The following MMP16 variants were observed in gnomAD, a reference collection of about 807,000 sequenced individuals.
The protein encoded by MMP16 is matrix metalloproteinase-16.
MMP16 carries 12 observed loss-of-function variants against 67.8 expected under a neutral mutation model. The ratio of observed to expected loss-of-function variants is 0.18; its 90% CI spans 0.11 to 0.29. The LOEUF (loss-of-function observed/expected upper bound fraction) is 0.29, where lower values mean the gene tolerates loss of function less well. Among genes scored for constraint, MMP16 ranks in the 10% least tolerant of loss-of-function variants. MMP16 has a pLI of 1.00. For missense variants in MMP16, 475 were observed against 765.7 expected, an observed-to-expected ratio of 0.62 and a Z score of 4.48; for synonymous variants, 249 against 255.9, an observed-to-expected ratio of 0.97 and a Z score of 0.26.
chr8:88,063,660 T>G (rs1808429587), intron 7 of MMP16, among the ~76,000 whole-genome samples: 2 of 151,936 alleles, frequency 1.3e-5, no homozygotes. Context: ...ATTTTACAGG[T>G]CAAAGAAGTG....
At chr8:88,290,043 C>T (rs574227031) in intron 1 of MMP16, among the ~76,000 whole-genome samples, 166 of 152,196 alleles carry the variant, frequency 1.1e-3, no homozygotes, top group Non-Finnish European at 2.1e-3. Context: ...AATTTTTTGT[C>T]CATCTGTGCA....
chr8:88,235,794 T>C (rs577961188), intron 1 of MMP16, among the ~76,000 whole-genome samples: 1 of 152,142 alleles, frequency 6.6e-6, no homozygotes, highest in Non-Finnish European at 1.5e-5. Flanking sequence ...TTCCAATACA[T>C]TGTTATGTAA....
At chr8:88,050,213 G>C (rs1172089389) in intron 8 of MMP16, among the ~76,000 whole-genome samples, 1 of 151,798 alleles carries the variant, frequency 6.6e-6, no homozygotes, top group East Asian at 1.9e-4. Flanking sequence ...ATCCCAGCTA[G>C]TCGGGAGGCT....
chr8:88,319,577 A>G (rs1811427003), intron 1 of MMP16, among the ~76,000 whole-genome samples: 1 of 152,120 alleles, frequency 6.6e-6, no homozygotes. Context: ...TTACCAACAC[A>G]TGGTAGGAAT....
intron 6 of MMP16, among the ~76,000 whole-genome samples, chr8:88,084,969 A>G (rs1274515219): frequency 6.6e-6 from 1 of 151,964 alleles, no homozygotes; most frequent in African/African-American, 2.4e-5. Flanking sequence ...AAAAGAAACA[A>G]AAATATGTTT....
intron 1 of MMP16, among the ~76,000 whole-genome samples, chr8:88,249,072 G>A (rs978403976): frequency 1.3e-5 from 2 of 151,790 alleles, no homozygotes; most frequent in Non-Finnish European, 2.9e-5. Flanking sequence ...CCTCAGAGAC[G>A]CCTGGAACCA....
intron 1 of MMP16, among the ~76,000 whole-genome samples, chr8:88,304,055 A>G (rs1230593350): frequency 6.6e-6 from 1 of 152,176 alleles, no homozygotes; most frequent in Non-Finnish European, 1.5e-5. Context: ...CATGATAAAA[A>G]CAATACAGAA....
At chr8:88,140,606 G>A (rs1000510616) in intron 4 of MMP16, among the ~76,000 whole-genome samples, 1 of 152,112 alleles carries the variant, frequency 6.6e-6, no homozygotes, top group Admixed American at 6.6e-5. Flanking sequence ...GGTTCCTGCT[G>A]TTGCTATGAA....
chr8:88,127,275 G>A (rs1360112921), intron 4 of MMP16, among the ~76,000 whole-genome samples: 1 of 151,882 alleles, frequency 6.6e-6, no homozygotes, highest in African/African-American at 2.4e-5. Context: ...ACATTGAAAT[G>A]ATATTGCTGT....
intron 1 of MMP16, among the ~76,000 whole-genome samples, chr8:88,223,846 TAAA>T (rs1427243705): frequency 6.6e-6 from 1 of 151,522 alleles, no homozygotes; most frequent in Non-Finnish European, 1.5e-5. Context: ...ATAATAATAA[TAAA>T]AAAAGAAAAT....
At chr8:88,116,128 A>G (rs191308398) in intron 6 of MMP16, among the ~76,000 whole-genome samples, 131 of 152,258 alleles carry the variant, frequency 8.6e-4, no homozygotes, top group African/African-American at 3.0e-3. Context: ...TCTCATAAAG[A>G]TATGTAAACC....
chr8:88,130,024 A>T (rs550190064), intron 4 of MMP16, among the ~76,000 whole-genome samples: 1 of 151,932 alleles, frequency 6.6e-6, no homozygotes, highest in South Asian at 2.1e-4. Flanking sequence ...ATTGATGCTA[A>T]TAAGAAAAGA....
chr8:88,227,543 C>CTTGTCT (rs1313782014), intron 1 of MMP16, among the ~76,000 whole-genome samples: 1 of 152,072 alleles, frequency 6.6e-6, no homozygotes, highest in Non-Finnish European at 1.5e-5. Context: ...CTTGATTCTT[C>CTTGTCT]TGACTTTCCT....
At chr8:88,101,499 C>A (rs1329507950) in intron 6 of MMP16, among the ~76,000 whole-genome samples, 1 of 151,756 alleles carries the variant, frequency 6.6e-6, no homozygotes, top group Non-Finnish European at 1.5e-5. Flanking sequence ...ACATGAATGG[C>A]CAGCTCTTAT....
At chr8:88,174,550 C>A (rs1009592489) in intron 3 of MMP16, among the ~76,000 whole-genome samples, 7 of 152,148 alleles carry the variant, frequency 4.6e-5, no homozygotes, top group Non-Finnish European at 1.0e-4. Context: ...GGTTTAAATA[C>A]TTCCAAAAAT....
chr8:88,116,835 T>C (rs1324049717), intron 5 of MMP16, 117 bp from the exon 6 acceptor site: 3 of 883,432 alleles, frequency 3.4e-6, no homozygotes, highest in African/African-American at 1.7e-5. Context: ...AACTAAGAGG[T>C]CTTTAAGATC....
At chr8:88,106,290 A>T (rs1354918532) in intron 6 of MMP16, among the ~76,000 whole-genome samples, 1 of 151,144 alleles carries the variant, frequency 6.6e-6, no homozygotes, top group Non-Finnish European at 1.5e-5. Context: ...CTTAAATGGC[A>T]TGGTTTAAAA....
intron 1 of MMP16, among the ~76,000 whole-genome samples, chr8:88,273,247 G>GGTTTTT (rs1563580401): frequency 1.2e-5 from 1 of 85,626 alleles, no homozygotes; most frequent in African/African-American, 3.3e-5. Context: ...ACCATGCCTG[G>GGTTTTT]CTTTTTTTTT....
chr8:88,326,238 G>A (rs1811535429), intron 1 of MMP16, among the ~76,000 whole-genome samples: 1 of 152,128 alleles, frequency 6.6e-6, no homozygotes, highest in African/African-American at 2.4e-5. Flanking sequence ...CACATTACTG[G>A]CTTCAGTGCT....
Sources: gnomAD v4.1 joint callset for allele counts (sites outside exome capture counted in the v4.1 genomes callset) on GRCh38, gnomAD v4.1.1 for gene constraint, MANE v1.5 for transcripts, NCBI Gene and HGNC (gene_info 2026-07-23, HGNC 2026-07-21) for gene names.